Variants in STXBP5L observed in about 807,000 individuals in gnomAD.
The protein encoded by STXBP5L is syntaxin-binding protein 5-like.
Under a neutral mutation model 144.5 loss-of-function variants are expected in STXBP5L, and 65 were observed. The ratio of observed to expected loss-of-function variants is 0.45; its 90% CI spans 0.37 to 0.55. STXBP5L has a LOEUF of 0.55. STXBP5L is among the 20% of genes least tolerant of loss of function. The pLI is 0.00. For missense variants in STXBP5L, 1,298 were observed against 1,405.5 expected (o/e 0.92, Z 1.22); for synonymous variants, 505 against 469.6 (o/e 1.08, Z -0.97).
At chr3:121,306,793 C>T (rs868213235) in intron 19 of STXBP5L, among the ~76,000 whole-genome samples, 2 of 152,212 alleles carry the variant, frequency 1.3e-5, no homozygotes, top group Middle Eastern at 6.8e-3. Flanking sequence ...AAAGACTAGC[C>T]TGAAAAATGA....
At chr3:121,351,629 A>T (rs1357320963) in intron 20 of STXBP5L, among the ~76,000 whole-genome samples, 3 of 152,094 alleles carry the variant, frequency 2.0e-5, no homozygotes, top group Non-Finnish European at 4.4e-5. Context: ...ATTTTCTCCC[A>T]TTTATATGGT....
chr3:121,412,354 G>C (rs1049173386), intron 23 of STXBP5L, among the ~76,000 whole-genome samples: 2 of 152,124 alleles, frequency 1.3e-5, no homozygotes, highest in African/African-American at 4.8e-5. Context: ...TAGAAGTTAA[G>C]AGCCTGAATC....
chr3:121,222,908 G>C, intron 10 of STXBP5L, 95 bp from the exon 11 acceptor site: 10 of 1,368,572 alleles, frequency 7.3e-6, no homozygotes, highest in Non-Finnish European at 9.8e-6. Flanking sequence ...ATGTTATATG[G>C]TATGCAACAA....
At chr3:121,054,377 G>A (rs1948285340) in intron 5 of STXBP5L, among the ~76,000 whole-genome samples, 1 of 152,080 alleles carries the variant, frequency 6.6e-6, no homozygotes, top group African/African-American at 2.4e-5. Context: ...TGAAGAAAAT[G>A]TGGCACATAT....
chr3:120,953,325 C>CTT (rs397875191), intron 2 of STXBP5L, among the ~76,000 whole-genome samples: 7,177 of 105,594 alleles, frequency 0.068, 506 homozygotes, highest in Admixed American at 0.15. Context: ...TCACAATTGA[C>CTT]TTTTTTTTTT....
At chr3:121,359,915 G>T (rs1576282133) in intron 20 of STXBP5L, among the ~76,000 whole-genome samples, 1 of 137,984 alleles carries the variant, frequency 7.2e-6, no homozygotes, top group African/African-American at 2.7e-5. Flanking sequence ...CCTCCAGTTT[G>T]GTTCTTTTTG....
intron 7 of STXBP5L, among the ~76,000 whole-genome samples, chr3:121,143,989 A>T (rs990789162): frequency 6.6e-6 from 1 of 151,856 alleles, no homozygotes; most frequent in African/African-American, 2.4e-5. Flanking sequence ...AACATGTAGG[A>T]CAAGGTCAAA....
chr3:121,185,584 G>A (rs564422807), intron 9 of STXBP5L, among the ~76,000 whole-genome samples: 1 of 152,202 alleles, frequency 6.6e-6, no homozygotes, highest in East Asian at 1.9e-4. Context: ...TTTTTGTCAG[G>A]TTTGTCAAAG....
chr3:121,216,595 G>A (rs1385202915), intron 10 of STXBP5L, among the ~76,000 whole-genome samples: 3 of 152,186 alleles, frequency 2.0e-5, no homozygotes, highest in Non-Finnish European at 4.4e-5. Context: ...GCCAGCTGGA[G>A]CTCTCCTGTA....
chr3:121,258,913 A>T, intron 17 of STXBP5L, 130 bp from the exon 18 acceptor site: 2 of 819,016 alleles, frequency 2.4e-6, no homozygotes, highest in Non-Finnish European at 3.4e-6. Context: ...AGAAGGCACC[A>T]TCCATCTGCA....
intron 2 of STXBP5L, among the ~76,000 whole-genome samples, chr3:120,931,873 G>T (rs971151448): frequency 7.9e-5 from 12 of 152,186 alleles, no homozygotes; most frequent in Non-Finnish European, 8.8e-5. Flanking sequence ...TATTGTTACA[G>T]TGTAATTATA....
At chr3:121,182,643 C>T (rs1411397916) in intron 9 of STXBP5L, among the ~76,000 whole-genome samples, 1 of 151,978 alleles carries the variant, frequency 6.6e-6, no homozygotes, top group African/African-American at 2.4e-5. Context: ...AAAGAAGTAA[C>T]AAAGATCAGT....
At chr3:121,313,101 A>T (rs1211708773) in intron 19 of STXBP5L, among the ~76,000 whole-genome samples, 1 of 96,480 alleles carries the variant, frequency 1.0e-5, no homozygotes, top group Non-Finnish European at 2.2e-5. Context: ...TGACCCCCCC[A>T]CCACCCTCCC....
chr3:121,367,844 C>G (rs2045912288), intron 20 of STXBP5L, among the ~76,000 whole-genome samples: 1 of 125,612 alleles, frequency 8.0e-6, no homozygotes, highest in Non-Finnish European at 1.6e-5. Context: ...AGGATGGTCT[C>G]AAACTCCGGA....
chr3:121,088,092 G>T (rs1402392056), intron 5 of STXBP5L, among the ~76,000 whole-genome samples: 2 of 151,664 alleles, frequency 1.3e-5, no homozygotes, highest in Non-Finnish European at 2.9e-5. Flanking sequence ...TTGACAAATG[G>T]GATCTAATTA....
At chr3:120,909,815 T>G in intron 2 of STXBP5L, 48 bp downstream of exon 2, 1 of 1,535,712 alleles carries the variant, frequency 6.5e-7, no homozygotes, top group Non-Finnish European at 8.8e-7. Context: ...ATTATACTGT[T>G]GTAAGGAAAC....
At chr3:121,251,413 A>G (rs1407175323) in intron 15 of STXBP5L, among the ~76,000 whole-genome samples, 1 of 152,198 alleles carries the variant, frequency 6.6e-6, no homozygotes, top group Non-Finnish European at 1.5e-5. Context: ...GCTATCAGAA[A>G]TGGGAGAGTC....
chr3:121,166,796 C>A (rs1329530774), intron 9 of STXBP5L, among the ~76,000 whole-genome samples: 1 of 152,052 alleles, frequency 6.6e-6, no homozygotes, highest in Non-Finnish European at 1.5e-5. Context: ...GCTTCTCTGA[C>A]TTACTTAGAG....
intron 9 of STXBP5L, among the ~76,000 whole-genome samples, chr3:121,188,697 A>G (rs1299568727): frequency 1.3e-5 from 2 of 152,202 alleles, no homozygotes; most frequent in Non-Finnish European, 2.9e-5. Context: ...AAGAGAACCA[A>G]TGACAAAAAC....
Sources: allele counts gnomAD v4.1 joint callset (sites outside exome capture counted in the v4.1 genomes callset), GRCh38; gene constraint gnomAD v4.1.1; transcripts MANE v1.5; gene names NCBI Gene and HGNC (gene_info 2026-07-23, HGNC 2026-07-21).